The following SMYD3 variants were observed in gnomAD, a reference collection of about 807,000 sequenced individuals.
SMYD3 encodes the protein SET and MYND domain containing 3.
Under a neutral mutation model 57.7 loss-of-function variants are expected in SMYD3, and 36 were observed. The observed-to-expected ratio is 0.62, with a 90% CI of 0.48 to 0.82. SMYD3 has a LOEUF of 0.82. Among genes scored for constraint, SMYD3 ranks in the 40% least tolerant of loss-of-function variants. The probability of loss-of-function intolerance (pLI) is 0.00; values close to 1 mark genes in which losing one functional copy is unlikely to be tolerated. For missense variants in SMYD3, 515 were observed against 538.8 expected (o/e 0.96, Z 0.44); for synonymous variants, 211 against 195.0 (o/e 1.08, Z -0.68).
intron 5 of SMYD3, among the ~76,000 whole-genome samples, chr1:246,068,081 A>G (rs2787993): frequency 0.3 from 46,120 of 151,996 alleles, 8,404 homozygotes; most frequent in East Asian, 0.56. Context: ...TGTTTAGAAA[A>G]GCAGTTAAGG....
intron 1 of SMYD3, among the ~76,000 whole-genome samples, chr1:246,403,459 A>G (rs1363639840): frequency 6.6e-6 from 1 of 152,204 alleles, no homozygotes; most frequent in Non-Finnish European, 1.5e-5. Context: ...ATGGTTGCAC[A>G]TACCAAGAAA....
intron 5 of SMYD3, among the ~76,000 whole-genome samples, chr1:246,068,428 C>A (rs2060385871): frequency 1.3e-5 from 2 of 152,130 alleles, no homozygotes; most frequent in African/African-American, 4.8e-5. Flanking sequence ...CTTCTGACAA[C>A]ACAATCAAAA....
chr1:245,762,798 G>A (rs994232390), intron 11 of SMYD3, among the ~76,000 whole-genome samples: 1 of 152,200 alleles, frequency 6.6e-6, no homozygotes, highest in African/African-American at 2.4e-5. Flanking sequence ...CCAGTGTTTT[G>A]GGATCAGCCG....
At chr1:246,240,586 T>C (rs1268399998) in intron 5 of SMYD3, among the ~76,000 whole-genome samples, 3 of 151,382 alleles carry the variant, frequency 2.0e-5, no homozygotes, top group Non-Finnish European at 2.9e-5. Context: ...TCTTTTTTGG[T>C]TCCATATGAA....
rs780914417 is a variant in SMYD3 at position 246,452,409 on chromosome 1, C to T, written c.164+54645G>A. Among the ~76,000 whole-genome samples the T allele has an allele frequency of 1.7e-4, 26 of 152,002 alleles. 1 individual carries two copies. The highest frequency in any genetic ancestry group is 6.8e-3 in the Middle Eastern group (2 of 294). ...ACCAGCTACTGGGGAGGCTGAGGCA[C>T]GAGAATCGTTTGAACTCGTTTGGGA... On this transcript the variant is annotated intron_variant, in intron 1 of 11. Coordinates refer to ENST00000490107, the MANE Select transcript of SMYD3 (RefSeq NM_001167740.2).
intron 1 of SMYD3, among the ~76,000 whole-genome samples, chr1:246,427,682 A>G (rs1025459695): frequency 2.0e-5 from 3 of 152,064 alleles, no homozygotes; most frequent in African/African-American, 7.2e-5. Flanking sequence ...TGGGCAACAC[A>G]GGGAGACTCC....
At chr1:246,115,061 G>C (rs1264941785) in intron 5 of SMYD3, among the ~76,000 whole-genome samples, 1 of 152,258 alleles carries the variant, frequency 6.6e-6, no homozygotes, top group East Asian at 1.9e-4. Context: ...AGGTGACAAA[G>C]TTGAGAGTAT....
At chr1:246,033,424 A>G (rs1051610343) in intron 5 of SMYD3, among the ~76,000 whole-genome samples, 5 of 152,230 alleles carry the variant, frequency 3.3e-5, no homozygotes, top group Admixed American at 3.3e-4. Context: ...ATGTATCTAT[A>G]AAAGGGCAAC....
chr1:245,798,217 C>T (rs1437191198), intron 10 of SMYD3, among the ~76,000 whole-genome samples: 2 of 151,892 alleles, frequency 1.3e-5, no homozygotes, highest in African/African-American at 4.8e-5. Flanking sequence ...GCCTGGCCTG[C>T]GCCATCACCC....
chr1:246,031,690 T>C (rs1320395568), intron 5 of SMYD3, among the ~76,000 whole-genome samples: 2 of 149,076 alleles, frequency 1.3e-5, no homozygotes, highest in Non-Finnish European at 3.0e-5. Flanking sequence ...TGAGCAGAGA[T>C]CGCGCCACTG....
chr1:245,915,277 A>T (rs2055322379), intron 8 of SMYD3, among the ~76,000 whole-genome samples: 1 of 152,208 alleles, frequency 6.6e-6, no homozygotes, highest in African/African-American at 2.4e-5. Flanking sequence ...TAAATATTTA[A>T]TGCCTACATT....
In SMYD3 at chr1:245,963,926, G is replaced by A. The variant is rs185922027; in HGVS notation, c.532-33989C>T. Reference sequence around the variant, plus strand: ...CTGAGACCCACTCACAGGACTACAGGAGAACAATTCCATTCTGAGTTAGTC... The same window carrying A: ...CTGAGACCCACTCACAGGACTACAGAAGAACAATTCCATTCTGAGTTAGTC... On this transcript the variant is annotated intron_variant, in intron 5 of 11. Coordinates refer to ENST00000490107, the MANE Select transcript of SMYD3 (RefSeq NM_001167740.2). 3.4e-3 allele frequency among the ~76,000 whole-genome samples: 512 copies of A among 152,316 alleles called. 6 individuals carry two copies. Among genetic ancestry groups the A allele is most frequent in the African/African-American group, 0.012 (483 of 41,564 alleles).
chr1:246,320,577 T>G (rs1462364629), intron 5 of SMYD3, among the ~76,000 whole-genome samples: 1 of 152,218 alleles, frequency 6.6e-6, no homozygotes, highest in Non-Finnish European at 1.5e-5. Flanking sequence ...CTAATGCCTG[T>G]TTTTGAAACA....
intron 5 of SMYD3, among the ~76,000 whole-genome samples, chr1:245,932,334 G>C (rs1287755146): frequency 1.3e-5 from 2 of 152,170 alleles, no homozygotes; most frequent in African/African-American, 2.4e-5. Context: ...AAGCTAACAA[G>C]AGGAAATGTC....
intron 5 of SMYD3, among the ~76,000 whole-genome samples, chr1:245,990,387 C>T (rs1414581073): frequency 6.6e-6 from 1 of 152,200 alleles, no homozygotes; most frequent in Non-Finnish European, 1.5e-5. Context: ...CCATGCCTGG[C>T]CAGCTTTTTC....
At chr1:245,795,913 G>A (rs898315278) in intron 10 of SMYD3, among the ~76,000 whole-genome samples, 15 of 152,064 alleles carry the variant, frequency 9.9e-5, no homozygotes, top group African/African-American at 3.6e-4. Flanking sequence ...AGTCTCAGAA[G>A]GCACTTTTCT....
intron 5 of SMYD3, among the ~76,000 whole-genome samples, chr1:245,944,908 T>TG (rs765101697): frequency 3.9e-5 from 6 of 152,050 alleles, no homozygotes; most frequent in Non-Finnish European, 7.4e-5. Flanking sequence ...ATTTAAAAAA[T>TG]GGTACTGGGG....
At chr1:246,440,829 G>A (rs1022354209) in intron 1 of SMYD3, among the ~76,000 whole-genome samples, 5 of 152,120 alleles carry the variant, frequency 3.3e-5, no homozygotes, top group African/African-American at 9.7e-5. Context: ...TGGGGCTTTC[G>A]CATCTGTGAC....
chr1:246,169,939 T>G (rs1320755706), intron 5 of SMYD3, among the ~76,000 whole-genome samples: 3 of 151,918 alleles, frequency 2.0e-5, no homozygotes, highest in Non-Finnish European at 4.4e-5. Context: ...ATCTTCAGTC[T>G]AAAATGTACC....
Sources: allele counts gnomAD v4.1 joint callset (sites outside exome capture counted in the v4.1 genomes callset), GRCh38; gene constraint gnomAD v4.1.1; transcripts MANE v1.5; gene names NCBI Gene and HGNC (gene_info 2026-07-23, HGNC 2026-07-21).